SCML4: variants seen among roughly 807,000 people sequenced by gnomAD.
SCML4 encodes the protein Scm polycomb group protein like 4.
A neutral mutation model predicts 41.1 loss-of-function variants in SCML4; 34 were observed. The ratio of observed to expected loss-of-function variants is 0.83; its 90% confidence interval spans 0.63 to 1.10. SCML4 has a LOEUF of 1.10. SCML4 is among the 50% of genes least tolerant of loss of function. The pLI, the probability that SCML4 is intolerant of heterozygous loss-of-function variation, is 0.00. For synonymous variants in SCML4, 214 were observed against 220.9 expected, an observed-to-expected ratio of 0.97 and a Z score of 0.28; for missense variants, 522 against 534.1, an observed-to-expected ratio of 0.98 and a Z score of 0.22.
chr6:107,715,875 G>C (rs535121263), intron 6 of SCML4, among the ~76,000 whole-genome samples: 1 of 151,858 alleles, frequency 6.6e-6, no homozygotes, highest in Non-Finnish European at 1.5e-5. Flanking sequence ...CCATTTCTAA[G>C]TCTCTTCCAT....
Position 107,772,171 on chromosome 6 carries a change from C to T in SCML4, c.156+1G>A, listed in dbSNP as rs1343791769. The T allele has an allele frequency of 1.3e-6, 2 of 1,548,832 alleles. No individual in the cohort carries two copies. The highest frequency in any genetic ancestry group is 2.4e-5 in the East Asian group (1 of 40,894). On this transcript the variant is annotated splice_donor_variant, in intron 2 of 7. Coordinates refer to ENST00000369020, the MANE Select transcript of SCML4 (RefSeq NM_198081.5). LOFTEE classifies it high-confidence loss of function. ...TGGAGAAGGAGATGATGGAGCCGTA[C>T]CTTGTACCCGGGTTTCCGCCCTCTT...
intron 2 of SCML4, among the ~76,000 whole-genome samples, chr6:107,755,897 G>T (rs1469352302): frequency 6.6e-6 from 1 of 152,122 alleles, no homozygotes; most frequent in Non-Finnish European, 1.5e-5. Flanking sequence ...GGTGGGGACT[G>T]GTTACAGGGA....
chr6:107,707,250 C>T (rs6936923), intron 7 of SCML4, among the ~76,000 whole-genome samples: 38,957 of 151,870 alleles, frequency 0.26, 5,334 homozygotes, highest in East Asian at 0.37. Context: ...TGCAGTGAGC[C>T]GAGATTGAGA....
chr6:107,788,072 CA>C (rs963548262), intron 1 of SCML4, among the ~76,000 whole-genome samples: 6 of 152,172 alleles, frequency 3.9e-5, no homozygotes, highest in African/African-American at 1.4e-4. Context: ...ACCTCTTGTG[CA>C]GGTCAAGGAA....
chr6:107,797,172 C>T (rs1417098829), intron 1 of SCML4, among the ~76,000 whole-genome samples: 1 of 152,018 alleles, frequency 6.6e-6, no homozygotes, highest in Non-Finnish European at 1.5e-5. Context: ...CATATAAGTG[C>T]AAAAAACCTG....
upstream of SCML4, among the ~76,000 whole-genome samples, chr6:107,825,711 CG>C (rs551216081): frequency 3.8e-4 from 57 of 151,532 alleles, no homozygotes; most frequent in Non-Finnish European, 6.9e-4. Context: ...GAGGCCAAGG[CG>C]GGTGGATCAC....
chr6:107,734,625 T>C (rs527982417), intron 5 of SCML4, among the ~76,000 whole-genome samples: 5 of 152,176 alleles, frequency 3.3e-5, no homozygotes, highest in African/African-American at 1.2e-4. Flanking sequence ...TTCAATATTT[T>C]AAAATATGTA....
chr6:107,822,562 T>C (rs6568508), intron 1 of SCML4, among the ~76,000 whole-genome samples: 36,545 of 147,828 alleles, frequency 0.25, 6,277 homozygotes, highest in African/African-American at 0.5. Context: ...AGGGAAGAAA[T>C]GTAAACATGT....
chr6:107,813,370 T>TTATATATATATATA (rs543060112), intron 1 of SCML4, among the ~76,000 whole-genome samples: 2 of 42,450 alleles, frequency 4.7e-5, no homozygotes, highest in Non-Finnish European at 3.9e-5. Context: ...CTCAAAAAAA[T>TTATATATATATATA]TATATATATA....
At chr6:107,714,657 C>T (rs552185465) in intron 6 of SCML4, among the ~76,000 whole-genome samples, 48 of 152,238 alleles carry the variant, frequency 3.2e-4, no homozygotes, top group Non-Finnish European at 5.3e-4. Context: ...GAAGTCTCTG[C>T]TGGCTAGGAC....
intron 1 of SCML4, among the ~76,000 whole-genome samples, chr6:107,788,556 C>G (rs147744949): frequency 9.1e-4 from 139 of 152,322 alleles, no homozygotes; most frequent in African/African-American, 3.3e-3. Context: ...AAGAAATACA[C>G]CCATCCAGAC....
chr6:107,778,184 G>A (rs1437934844), intron 1 of SCML4, among the ~76,000 whole-genome samples: 1 of 111,538 alleles, frequency 9.0e-6, no homozygotes, highest in African/African-American at 3.9e-5. Context: ...CAGAGTGAGC[G>A]AGACTCTATC....
chr6:107,702,521 C>A lies in SCML4; in HGVS notation c.*2679G>T, dbSNP rs1193522038. 6.6e-6 allele frequency among the ~76,000 whole-genome samples: 1 copy of A among 152,044 alleles called. No homozygotes were observed. The highest frequency in any genetic ancestry group is 6.6e-5 in the Admixed American group (1 of 15,266). On this transcript the variant is annotated 3_prime_UTR_variant, in exon 8 of 8. Coordinates refer to ENST00000369020, the MANE Select transcript of SCML4 (RefSeq NM_198081.5). ...GTATCTGTTGATGGAAGAGGTACCA[C>A]AAGTATCGGAAGATTGAGAAAAAAA...
At chr6:107,756,117 C>A (rs546620211) in intron 2 of SCML4, among the ~76,000 whole-genome samples, 1 of 152,160 alleles carries the variant, frequency 6.6e-6, no homozygotes, top group Admixed American at 6.5e-5. Context: ...TATGTAGACA[C>A]CCCTCCCTCA....
chr6:107,789,250 G>A (rs1021249348), intron 1 of SCML4, among the ~76,000 whole-genome samples: 2 of 152,158 alleles, frequency 1.3e-5, no homozygotes, highest in Non-Finnish European at 2.9e-5. Flanking sequence ...AATATTTTCT[G>A]GGGACCTAGA....
intron 1 of SCML4, among the ~76,000 whole-genome samples, chr6:107,780,146 G>C (rs1408689769): frequency 6.6e-6 from 1 of 152,170 alleles, no homozygotes; most frequent in Non-Finnish European, 1.5e-5. Flanking sequence ...ATGGCCCACA[G>C]CTGGAGTCGG....
chr6:107,829,319 G>A, the SCML4 span, among the ~76,000 whole-genome samples: 1 of 151,954 alleles, frequency 6.6e-6, no homozygotes, highest in African/African-American at 2.4e-5. Flanking sequence ...AGTGGGGAGG[G>A]CGAGGCTGCA....
Position 107,705,047 on chromosome 6 carries a change from CAA to C in SCML4, c.*151_*152del. Reference sequence around the variant, plus strand: ...GGTCCATGTTAAATTCTTCAAAAGGCAAAGATTCACAAGTTTTATAAAAAGAC... The same window carrying C: ...GGTCCATGTTAAATTCTTCAAAAGGCAGATTCACAAGTTTTATAAAAAGAC... On this transcript the variant is annotated 3_prime_UTR_variant, in exon 8 of 8. Transcript: ENST00000369020. The C allele has an allele frequency of 1.3e-6, 1 of 776,998 alleles. No homozygotes were observed. The highest frequency in any genetic ancestry group is 1.6e-5 in the South Asian group (1 of 62,116). The allele number at this position is 776,998 out of a possible 1,614,324, so 48.1% of individuals were successfully genotyped here.
At chr6:107,754,671 AG>A (rs1292485920) in intron 2 of SCML4, among the ~76,000 whole-genome samples, 1 of 152,222 alleles carries the variant, frequency 6.6e-6, no homozygotes, top group African/African-American at 2.4e-5. Context: ...CTTGTCTTTA[AG>A]CAAATCACAC....
Sources: allele counts gnomAD v4.1 joint callset (sites outside exome capture counted in the v4.1 genomes callset), GRCh38; gene constraint gnomAD v4.1.1; transcripts MANE v1.5; gene names NCBI Gene and HGNC (gene_info 2026-07-23, HGNC 2026-07-21).